RNASEH1: variants seen among roughly 807,000 people sequenced by gnomAD.
RNASEH1 encodes ribonuclease H1.
RNASEH1 carries 27 observed loss-of-function variants against 34.6 expected under a neutral mutation model. The ratio of observed to expected loss-of-function variants is 0.78; its 90% CI spans 0.58 to 1.08. The LOEUF is 1.08. Among genes scored for constraint, RNASEH1 ranks in the 50% least tolerant of loss-of-function variants. The pLI, the probability that RNASEH1 is intolerant of heterozygous loss-of-function variation, is 0.00. For missense variants in RNASEH1, 349 were observed against 373.6 expected, an observed-to-expected ratio of 0.93 and a Z score of 0.54; for synonymous variants, 162 against 138.4, an observed-to-expected ratio of 1.17 and a Z score of -1.20.
chr2:3,544,708 G>A lies in RNASEH1; in HGVS notation c.*1077C>T, dbSNP rs1172985699. 6.6e-6 allele frequency: 1 copy of A among 151,708 alleles called. No homozygotes were observed. The highest frequency in any genetic ancestry group is 1.5e-5 in the Non-Finnish European group (1 of 67,976). 9.4% of individuals were successfully genotyped at this position (151,708 alleles called of 1,614,324 possible). A position where few individuals can be genotyped will look rare whatever the true frequency, so the allele number is the denominator to read the frequency against. On this transcript the variant is annotated 3_prime_UTR_variant, in exon 8 of 8. Transcript: ENST00000315212. The stretch of plus-strand genomic sequence containing the variant: ...TCAATAAGCTATACATTTGTTTTGT[G>A]TCACTTCCTGTATGTTTTTATAATA...
At position 3,542,619 on chromosome 2, in the gene RNASEH1, G is replaced by C. The variant is rs1036364009; in HGVS notation, c.*3166C>G. Among the ~76,000 whole-genome samples the C allele has an allele frequency of 6.6e-6, 1 of 152,152 alleles. No individual in the cohort carries two copies. Among genetic ancestry groups the C allele is most frequent in the Non-Finnish European group, 1.5e-5 (1 of 68,030 alleles). ...ATTTTTCTGACAACGTAGACACAGT[G>C]CTGTTTTCATCATCACAATTAATGC... is the stretch of plus-strand genomic sequence containing the variant. On this transcript the variant is annotated 3_prime_UTR_variant, in exon 8 of 8. Coordinates refer to ENST00000315212, the MANE Select transcript of RNASEH1 (RefSeq NM_002936.6).
chr2:3,537,656 G>A, downstream of RNASEH1, among the ~76,000 whole-genome samples: 1 of 152,084 alleles, frequency 6.6e-6, no homozygotes, highest in East Asian at 1.9e-4. Context: ...AGGAGGTGGA[G>A]GCTGCAGTAA....
chr2:3,557,345 C>T (rs1484788349), intron 1 of RNASEH1, among the ~76,000 whole-genome samples: 2 of 152,194 alleles, frequency 1.3e-5, no homozygotes, highest in Admixed American at 6.5e-5. Flanking sequence ...AGACTCTACA[C>T]CTGTGTTCTA....
In RNASEH1 at chr2:3,542,741, T is replaced by A. The variant is rs899344833; in HGVS notation, c.*3044A>T. 6.6e-6 allele frequency among the ~76,000 whole-genome samples: 1 copy of A among 152,178 alleles called. No individual in the cohort carries two copies. The highest frequency in any genetic ancestry group is 1.5e-5 in the Non-Finnish European group (1 of 68,028). ...ATATTCCATGCCATTGTCCTGTGTCTTGAGAAGCAGGATTCCGAGTGCAGG... is the reference window on the plus strand; with the variant it reads ...ATATTCCATGCCATTGTCCTGTGTCATGAGAAGCAGGATTCCGAGTGCAGG... On this transcript the variant is annotated 3_prime_UTR_variant, in exon 8 of 8. Transcript: ENST00000315212.
At position 3,551,204 on chromosome 2, in the gene RNASEH1, A is replaced by C. The variant is rs369770365; in HGVS notation, c.410-732T>G. Among the ~76,000 whole-genome samples, 9 of 152,374 alleles carry C rather than the reference A, an allele frequency of 5.9e-5. No homozygotes were observed. In the East Asian group the frequency reaches 1.5e-3, roughly 26 times the overall value. ...CTGAGCTCAGCAGTGGCGAAGGGGCAAAGATGGGGATGTGCTCCTCACAGG... is the reference window on the plus strand; with the variant it reads ...CTGAGCTCAGCAGTGGCGAAGGGGCCAAGATGGGGATGTGCTCCTCACAGG... On this transcript the variant is annotated intron_variant, in intron 3 of 7. Coordinates refer to ENST00000315212, the MANE Select transcript of RNASEH1 (RefSeq NM_002936.6).
rs1027777677 is a variant in RNASEH1 at position 3,554,877 on chromosome 2, A to C, written c.244+1912T>G. ...CTGATTTTTCCATCTGGGTAGAAAAATGAACAGCTGTAACAGCGAGGAGGC... is the reference window on the plus strand; with the variant it reads ...CTGATTTTTCCATCTGGGTAGAAAACTGAACAGCTGTAACAGCGAGGAGGC... On this transcript the variant is annotated intron_variant, in intron 2 of 7. Transcript: ENST00000315212. 3.9e-5 allele frequency among the ~76,000 whole-genome samples: 6 copies of C among 152,232 alleles called. No homozygotes were observed. The East Asian group carries it at 1.2e-3, about 29-fold the overall frequency.
downstream of RNASEH1, among the ~76,000 whole-genome samples, chr2:3,541,333 A>C (rs1010701504): frequency 2.0e-5 from 3 of 151,868 alleles, no homozygotes; most frequent in Non-Finnish European, 4.4e-5. Flanking sequence ...CATCTCCAAA[A>C]AAAAAAAAAG....
chr2:3,553,329 T>C (rs546222980), intron 2 of RNASEH1, among the ~76,000 whole-genome samples: 1 of 152,118 alleles, frequency 6.6e-6, no homozygotes, highest in Non-Finnish European at 1.5e-5. Flanking sequence ...CAGCTTTTCT[T>C]TTGCAACAAA....
intron 7 of RNASEH1, among the ~76,000 whole-genome samples, chr2:3,546,912 C>G (rs1479550711): frequency 6.6e-6 from 1 of 152,168 alleles, no homozygotes; most frequent in African/African-American, 2.4e-5. Flanking sequence ...TGTTTGAGAT[C>G]AAGAGTTCAA....
At chr2:3,535,642 T>G in the RNASEH1 span, among the ~76,000 whole-genome samples, 2 of 146,692 alleles carry the variant, frequency 1.4e-5, no homozygotes, top group African/African-American at 5.1e-5. Context: ...AGGTGTGGGG[T>G]GGGGACAGGG....
Position 3,549,096 on chromosome 2 carries a change from G to A in RNASEH1, c.526C>T (p.Leu176Phe). 1 of 1,613,328 alleles carries A rather than the reference G, an allele frequency of 6.2e-7. No homozygotes were observed. Among genetic ancestry groups the A allele is most frequent in the Non-Finnish European group, 8.5e-7 (1 of 1,179,270 alleles). ...CTTTGGTTTGTCTGCCGCCCAGGAA[G>A]TCTAATGCCTACATTTCTGTTTCAA... ...PGHPLNVGIR[L>F]PGRQTNQRAE... Residue 176 changes from leucine to phenylalanine, a missense_variant, in exon 5 of 8, where the codon CTT becomes TTT. Around this residue, in one of 2 missense-constraint regions of RNASEH1, gnomAD observed 256 missense variants for 240.7 expected, o/e 1.06. Transcript: ENST00000315212.
chr2:3,553,001 G>A (rs983288460), intron 2 of RNASEH1, among the ~76,000 whole-genome samples: 2 of 152,076 alleles, frequency 1.3e-5, no homozygotes. Flanking sequence ...AAGGAAAACA[G>A]GGCTGGGAAG....
chr2:3,545,732 G>A lies in RNASEH1; in HGVS notation c.*53C>T. 8.1e-7 allele frequency: 1 copy of A among 1,236,564 alleles called. No homozygotes were observed. Among genetic ancestry groups the A allele is most frequent in the Non-Finnish European group, 1.2e-6 (1 of 835,320 alleles). The allele number at this position is 1,236,564 out of a possible 1,614,324, so 76.6% of individuals were successfully genotyped here. A position where few individuals can be genotyped will look rare whatever the true frequency, so the allele number is the denominator to read the frequency against. ...GCTATTTTCCACACCAGTAAGTACA[G>A]GCAGCAAGACAGCCGCTGGCTCAAG... On this transcript the variant is annotated 3_prime_UTR_variant, in exon 8 of 8. Coordinates refer to ENST00000315212, the MANE Select transcript of RNASEH1 (RefSeq NM_002936.6).
chr2:3,539,712 A>G (rs1250872271), downstream of RNASEH1, among the ~76,000 whole-genome samples: 1 of 152,208 alleles, frequency 6.6e-6, no homozygotes, highest in Non-Finnish European at 1.5e-5. Context: ...TTATTAAAAA[A>G]GGGGCTTTAG....
rs1181097535 is a variant in RNASEH1, at chr2:3,543,299, T to TGCTA, written c.*2482_*2485dup. On this transcript the variant is annotated 3_prime_UTR_variant, in exon 8 of 8. Coordinates refer to ENST00000315212, the MANE Select transcript of RNASEH1 (RefSeq NM_002936.6). ...GTTCTGAACCACTTTTGGTCCTGAG[T>TGCTA]GCTACCCAGCTGAAGAAACTATTTT... Among the ~76,000 whole-genome samples the TGCTA allele has an allele frequency of 6.6e-6, 1 of 152,218 alleles. No homozygotes were observed. Among genetic ancestry groups the TGCTA allele is most frequent in the Non-Finnish European group, 1.5e-5 (1 of 68,036 alleles).
chr2:3,550,447 A>G lies in RNASEH1; in HGVS notation c.435T>C (p.Asp145=). 2 of 1,614,166 alleles carry G rather than the reference A, an allele frequency of 1.2e-6. No individual in the cohort carries two copies. The highest frequency in any genetic ancestry group is 1.7e-6 in the Non-Finnish European group (2 of 1,180,002). The change falls in exon 4 of 8, where the codon GAT becomes GAC. Residue 145 remains aspartate (D), a synonymous_variant. Transcript: ENST00000315212. ...TACGCCCATTACTGGAGCAGCAGCC[A>G]TCAGTGTAGACGACGACGAAGTCTC... ...YMGDFVVVYT[D]GCCSSNGRRR... is the part of the protein sequence containing the mutation.
At chr2:3,552,888 C>T (rs1660119401) in intron 2 of RNASEH1, among the ~76,000 whole-genome samples, 2 of 152,026 alleles carry the variant, frequency 1.3e-5, no homozygotes, top group African/African-American at 4.8e-5. Context: ...CCTCTCCCTG[C>T]CTCAAATACA....
intron 2 of RNASEH1, among the ~76,000 whole-genome samples, chr2:3,553,980 A>G (rs1660245098): frequency 6.6e-6 from 1 of 152,176 alleles, no homozygotes; most frequent in Non-Finnish European, 1.5e-5. Flanking sequence ...TAACAACCCT[A>G]ACCCAACACT....
At chr2:3,535,245 C>A in the RNASEH1 span, among the ~76,000 whole-genome samples, 62 of 152,062 alleles carry the variant, frequency 4.1e-4, no homozygotes, top group African/African-American at 1.4e-3. Context: ...TGGCAAAACC[C>A]TGTCTCTACT....
Sources: allele counts gnomAD v4.1 joint callset (sites outside exome capture counted in the v4.1 genomes callset), GRCh38; gene constraint gnomAD v4.1.1; regional missense constraint gnomAD v4.1.1; transcripts MANE v1.5; gene names NCBI Gene and HGNC (gene_info 2026-07-23, HGNC 2026-07-21).